The following OTOF variants were observed in gnomAD, a reference collection of about 807,000 sequenced individuals.
The protein encoded by OTOF is otoferlin, also known as fer-1-like family member 2.
OTOF carries 218 observed loss-of-function variants against 236.8 expected under a neutral mutation model. That is an observed-to-expected ratio of 0.92 (90% confidence interval 0.82 to 1.03). The LOEUF is 1.03. Ranked by LOEUF, OTOF falls within the 50% of genes least tolerant of loss-of-function variation. The pLI is 0.00. For missense variants in OTOF, 2,590 were observed against 2,694.4 expected (o/e 0.96, Z 0.86); for synonymous variants, 1,041 against 1,072.5 (o/e 0.97, Z 0.57).
Position 26,479,562 on chromosome 2 carries a change from A to G in OTOF, c.2004T>C (p.Ile668=), listed in dbSNP as rs1255075392. The G allele has an allele frequency of 6.2e-7, 1 of 1,612,560 alleles. No homozygotes were observed. The highest frequency in any genetic ancestry group is 1.1e-5 in the South Asian group (1 of 91,016). ...CGGCCTCGTCATCACTTGCGTTCTG[A>G]ATCAGGTCTACTTCTTCCTCATCCC... is the stretch of plus-strand genomic sequence containing the variant. The part of the protein sequence containing the change: ...EPGDEEEVDL[I]QNASDDEAGD... The change falls in exon 17 of 47, where the codon ATT becomes ATC. Residue 668 remains isoleucine (I), a synonymous_variant. Transcript: ENST00000272371.
chr2:26,550,281 T>C (rs1269047614), intron 1 of OTOF, among the ~76,000 whole-genome samples: 2 of 152,110 alleles, frequency 1.3e-5, no homozygotes, highest in African/African-American at 4.8e-5. Context: ...CACATGATAG[T>C]CCCTGTCTCC....
chr2:26,475,585 G>T, intron 24 of OTOF, 92 bp from the exon 25 acceptor site: 1 of 1,393,082 alleles, frequency 7.2e-7, no homozygotes, highest in Non-Finnish European at 1.0e-6. Context: ...AGCTTCCACG[G>T]AACCTGGGGG....
Position 26,470,449 on chromosome 2 carries a change from G to A in OTOF, c.4023+144C>T, listed in dbSNP as rs1335152237. Reference sequence around the variant, plus strand: ...TCTTGGAAGGTGAGTTCTGAGCTAGGATTTCAAGGATGTGAGACAAAACCA... The same window carrying A: ...TCTTGGAAGGTGAGTTCTGAGCTAGAATTTCAAGGATGTGAGACAAAACCA... On this transcript the variant is annotated intron_variant, in intron 32 of 46. Transcript: ENST00000272371. This position sits in a 1 kb window ranked among gnomAD's most constrained non-coding sequence, Gnocchi z 4.3. 1.2e-6 allele frequency: 1 copy of A among 820,446 alleles called. No homozygotes were observed. The highest frequency in any genetic ancestry group is 2.4e-5 in the East Asian group (1 of 40,864). The allele number at this position is 820,446 out of a possible 1,614,324, so 50.8% of individuals were successfully genotyped here. A position where few individuals can be genotyped will look rare whatever the true frequency, so the allele number is the denominator to read the frequency against.
rs773666332 is a variant in OTOF, at chr2:26,465,748, C to T, written c.4723G>A (p.Glu1575Lys). The change falls in exon 38 of 47, where the codon GAA (glutamate) becomes AAA (lysine). Residue 1575 changes from glutamate (E) to lysine (K), a missense_variant. Around this residue, in one of 2 missense-constraint regions of OTOF, gnomAD observed 1,211 missense variants for 1,352.8 expected, o/e 0.90. Transcript: ENST00000272371. ...CGGTTCTCCAGGTCGATCTTGGTTT[C>T]CCCAATGAGGTCATCAGTGCCCACC... ...DLVGTDDLIGETKIDLENRFY... is the reference protein window; with the variant it reads ...DLVGTDDLIGKTKIDLENRFY... 1 of 1,614,244 alleles carries T rather than the reference C, an allele frequency of 6.2e-7. No individual in the cohort carries two copies. Among genetic ancestry groups the T allele is most frequent in the East Asian group, 2.2e-5 (1 of 44,890 alleles).
chr2:26,504,933 C>G (rs59535892), intron 5 of OTOF, among the ~76,000 whole-genome samples: 3,815 of 152,270 alleles, frequency 0.025, 65 homozygotes, highest in African/African-American at 0.044. Flanking sequence ...CTTTTTGGGT[C>G]ACACATCTCC....
At chr2:26,498,072 CT>C (rs1004716086) in intron 8 of OTOF, among the ~76,000 whole-genome samples, 2 of 152,232 alleles carry the variant, frequency 1.3e-5, no homozygotes, top group Non-Finnish European at 2.9e-5. Context: ...AGCAAGTCCT[CT>C]TCCCACTGCC....
At chr2:26,541,847 T>C (rs1362163790) in intron 1 of OTOF, among the ~76,000 whole-genome samples, 1 of 152,170 alleles carries the variant, frequency 6.6e-6, no homozygotes, top group African/African-American at 2.4e-5. Flanking sequence ...GGAAAGGCTG[T>C]TGTGGATCGA....
At chr2:26,480,390 A>C (rs1665499912) in intron 15 of OTOF, 79 bp from the exon 16 acceptor site, 1 of 896,492 alleles carries the variant, frequency 1.1e-6, no homozygotes, top group Non-Finnish European at 1.8e-6. Context: ...TCCGTCTCAC[A>C]GACAGGCCGT....
intron 33 of OTOF, 70 bp downstream of exon 33, chr2:26,468,338 G>T (rs554104213): frequency 9.1e-7 from 1 of 1,100,126 alleles, no homozygotes. Flanking sequence ...AGCAGGTGAT[G>T]AGGTGGGCAG....
rs767678721 is a variant in OTOF at position 26,489,193 on chromosome 2, C to G, written c.1045+18G>C. The G allele has an allele frequency of 6.3e-7, 1 of 1,585,820 alleles. No individual in the cohort carries two copies. Among genetic ancestry groups the G allele is most frequent in the Non-Finnish European group, 8.6e-7 (1 of 1,158,844 alleles). On this transcript the variant is annotated intron_variant, in intron 11 of 46. Coordinates refer to ENST00000272371, the MANE Select transcript of OTOF (RefSeq NM_194248.3). Reference sequence around the variant, plus strand: ...AGCCATGCACACCTCGACTGACTGGCCATGCGCAGGTACTCACCTGGCTGC... The same window carrying G: ...AGCCATGCACACCTCGACTGACTGGGCATGCGCAGGTACTCACCTGGCTGC...
At chr2:26,466,251 A>G in intron 36 of OTOF, 175 bp from the exon 37 acceptor site, 1 of 714,756 alleles carries the variant, frequency 1.4e-6, no homozygotes, top group Non-Finnish European at 2.4e-6. Context: ...CTGGGCGTTG[A>G]CTTCTTCCTC....
Position 26,473,405 on chromosome 2 carries a change from C to T in OTOF, c.3570+1G>A. ...TGTCCTCCGCCAGGGCCTGCACTCA[C>T]CACTTCAAACCACTTGACGAGGGTG... On this transcript the variant is annotated splice_donor_variant, in intron 28 of 46. Transcript: ENST00000272371. LOFTEE classifies it high-confidence loss of function. This position sits in a 1 kb window ranked among gnomAD's most constrained non-coding sequence, Gnocchi z 7.2. The T allele has an allele frequency of 3.1e-6, 5 of 1,613,392 alleles. No individual in the cohort carries two copies. The highest frequency in any genetic ancestry group is 4.2e-6 in the Non-Finnish European group (5 of 1,180,006).
intron 46 of OTOF, 97 bp downstream of exon 46, chr2:26,459,911 T>G: frequency 8.6e-7 from 1 of 1,156,730 alleles, no homozygotes; most frequent in Non-Finnish European, 1.2e-6. Flanking sequence ...TGCACATGTA[T>G]GCATATTTGT....
chr2:26,521,827 A>G (rs1020389262), intron 3 of OTOF, among the ~76,000 whole-genome samples: 1 of 152,230 alleles, frequency 6.6e-6, no homozygotes, highest in Admixed American at 6.5e-5. Flanking sequence ...TCCTGGCAGC[A>G]GTGTGGTTTT....
chr2:26,490,867 C>T (rs1317990995), intron 9 of OTOF, among the ~76,000 whole-genome samples: 2 of 152,128 alleles, frequency 1.3e-5, no homozygotes, highest in African/African-American at 4.8e-5. Flanking sequence ...AGGTGTGCAC[C>T]ACGGTAAGCA....
In OTOF at chr2:26,468,488, A is replaced by T; in HGVS notation, c.4024-14T>A. On this transcript the variant is annotated splice_polypyrimidine_tract_variant and intron_variant, in intron 32 of 46. Coordinates refer to ENST00000272371, the MANE Select transcript of OTOF (RefSeq NM_194248.3). ...TTGTCGAAGTTGCTGCCAAAAGATG[A>T]GATGAAAAGGACAGAAGGTGGGTTT... 6.2e-7 allele frequency: 1 copy of T among 1,612,400 alleles called. No individual in the cohort carries two copies. The highest frequency in any genetic ancestry group is 8.5e-7 in the Non-Finnish European group (1 of 1,178,456).
In OTOF at chr2:26,476,932, TCTC is replaced by T. The variant is rs778013458; in HGVS notation, c.2632_2634del (p.Glu878del). 6 of 1,610,752 alleles carry T rather than the reference TCTC, an allele frequency of 3.7e-6. No homozygotes were observed. Among genetic ancestry groups the T allele is most frequent in the South Asian group, 1.1e-5 (1 of 90,996 alleles). On this transcript the variant is annotated inframe_deletion, in exon 22 of 47. Transcript: ENST00000272371. ...TTGACCTTGGCGCAGTCCTTGCCAG[TCTC>T]CTCCTCCACGATGGAGAAGAGCAGG...
At chr2:26,488,713 C>T (rs1665759098) in intron 11 of OTOF, among the ~76,000 whole-genome samples, 1 of 152,236 alleles carries the variant, frequency 6.6e-6, no homozygotes, top group Non-Finnish European at 1.5e-5. Flanking sequence ...AGCTGTGTGG[C>T]TGGGGCAAGC....
At chr2:26,513,456 G>A (rs979912724) in intron 5 of OTOF, among the ~76,000 whole-genome samples, 20 of 152,124 alleles carry the variant, frequency 1.3e-4, no homozygotes, top group African/African-American at 4.8e-4. Context: ...GGCTGCCCGG[G>A]GCCTGTCTGG....
Sources: allele counts gnomAD v4.1 joint callset (sites outside exome capture counted in the v4.1 genomes callset), GRCh38; gene constraint gnomAD v4.1.1; regional missense constraint gnomAD v4.1.1; non-coding constraint Gnocchi (gnomAD v3.1); transcripts MANE v1.5; gene names NCBI Gene and HGNC (gene_info 2026-07-23, HGNC 2026-07-21).